The following ETV3L variants were observed in gnomAD, a reference collection of about 807,000 sequenced individuals.
ETV3L encodes the protein ETS variant transcription factor 3 like.
In ETV3L, 30 loss-of-function variants were observed where a neutral mutation model predicts 27.6. That is an observed-to-expected ratio of 1.09 (90% CI 0.81 to 1.48). ETV3L has a LOEUF of 1.48. ETV3L is among the 40% of genes most tolerant of loss of function. The pLI, the probability that ETV3L is intolerant of heterozygous loss-of-function variation, is 0.00. For synonymous variants in ETV3L, 186 were observed against 188.9 expected (o/e 0.98, Z 0.12); for missense variants, 443 against 455.6 (o/e 0.97, Z 0.25).
rs915876558 is a variant in ETV3L, at chr1:157,099,781, C to T, written c.-258G>A. 33 of 584,290 alleles carry T rather than the reference C, an allele frequency of 5.6e-5. No homozygotes were observed. Among genetic ancestry groups the T allele is most frequent in the South Asian group, 5.3e-4 (25 of 47,040 alleles). The allele number at this position is 584,290 out of a possible 1,614,324, so 36.2% of individuals were successfully genotyped here. ...ACAGGGCCCAGCCCCCTCTGGGGAC[C>T]TCCCCGCTGCCCAGGGCTGACTCGG... On this transcript the variant is annotated 5_prime_UTR_variant, in exon 1 of 5. Transcript: ENST00000454449.
At chr1:157,094,757 A>G (rs889634536) in intron 4 of ETV3L, among the ~76,000 whole-genome samples, 1 of 152,136 alleles carries the variant, frequency 6.6e-6, no homozygotes, top group African/African-American at 2.4e-5. Flanking sequence ...TACTAAAAAT[A>G]CAAAAATTAG....
intron 4 of ETV3L, 46 bp downstream of exon 4, chr1:157,097,822 C>T (rs1674261925): frequency 1.9e-6 from 3 of 1,609,416 alleles, no homozygotes; most frequent in Non-Finnish European, 2.5e-6. Context: ...GGCCCTCCCT[C>T]CTCTGGCTAA....
Position 157,092,612 on chromosome 1 carries a change from G to A in ETV3L, c.*37C>T. On this transcript the variant is annotated 3_prime_UTR_variant, in exon 5 of 5. Coordinates refer to ENST00000454449, the MANE Select transcript of ETV3L (RefSeq NM_001004341.2). ...GTGGGCAAGAGGAGAGATGGACTTTGGAGGACTCCTCCCCAACTTCCCACC... is the reference window on the plus strand; with the variant it reads ...GTGGGCAAGAGGAGAGATGGACTTTAGAGGACTCCTCCCCAACTTCCCACC... The A allele has an allele frequency of 1.3e-6, 2 of 1,523,034 alleles. No homozygotes were observed. Among genetic ancestry groups the A allele is most frequent in the Non-Finnish European group, 1.8e-6 (2 of 1,121,130 alleles). The allele number at this position is 1,523,034 out of a possible 1,614,324, so 94.3% of individuals were successfully genotyped here. A position where few individuals can be genotyped will look rare whatever the true frequency, so the allele number is the denominator to read the frequency against.
chr1:157,094,922 A>AC (rs1674191119), intron 4 of ETV3L, among the ~76,000 whole-genome samples: 1 of 151,604 alleles, frequency 6.6e-6, no homozygotes, highest in Non-Finnish European at 1.5e-5. Flanking sequence ...TCAAAAAAAA[A>AC]AAAAAAAAAA....
chr1:157,096,603 TAC>T (rs1164774152), intron 4 of ETV3L, among the ~76,000 whole-genome samples: 1 of 152,118 alleles, frequency 6.6e-6, no homozygotes, highest in Non-Finnish European at 1.5e-5. Context: ...ACCCAAACTC[TAC>T]ACACACACAG....
rs151028366 is a variant in ETV3L, at chr1:157,092,916, T to A, written c.819A>T (p.Gly273=). ...GAFKPDILLP[G]PRSLPGAWHF... is the part of the protein sequence containing the mutation. ...GCCAGGCCCCTGGGAGGCTCCTAGGTCCTGGGAGCAGGATGTCTGGCTTAA... is the reference window on the plus strand; with the variant it reads ...GCCAGGCCCCTGGGAGGCTCCTAGGACCTGGGAGCAGGATGTCTGGCTTAA... Residue 273 remains glycine (G), a synonymous_variant, in exon 5 of 5, where the codon GGA becomes GGT. Transcript: ENST00000454449. 57 of 1,613,770 alleles carry A rather than the reference T, an allele frequency of 3.5e-5. No individual in the cohort carries two copies. Among genetic ancestry groups the A allele is most frequent in the Non-Finnish European group, 4.5e-5 (53 of 1,179,924 alleles).
Position 157,097,868 on chromosome 1 carries a change from G to A in ETV3L, c.607C>T (p.Arg203Ter), listed in dbSNP as rs61736987. The A allele has an allele frequency of 2.0e-4, 325 of 1,612,056 alleles. 1 individual carries two copies. In the African/African-American group the frequency reaches 3.4e-3, roughly 17 times the overall value. Residue 203 changes from arginine to a stop codon, truncating the protein, a stop_gained and splice_region_variant, in exon 4 of 5, where the codon CGA becomes TGA. Coordinates refer to ENST00000454449, the MANE Select transcript of ETV3L (RefSeq NM_001004341.2). LOFTEE classifies it low-confidence loss of function (END_TRUNC). ...DKKGSSSSVY[R>*]LGSAPGPCRL... ...GGCCCTCCCAGCCTTGAGCACTCAC[G>A]GTAGACGCTGCTGCTGCTCCCCTTC... is the stretch of plus-strand genomic sequence containing the variant.
At position 157,099,446 on chromosome 1, in the gene ETV3L, G is replaced by A; in HGVS notation, c.58+20C>T. 6.2e-7 allele frequency: 1 copy of A among 1,614,056 alleles called. No individual in the cohort carries two copies. Among genetic ancestry groups the A allele is most frequent in the Non-Finnish European group, 8.5e-7 (1 of 1,179,982 alleles). The stretch of plus-strand genomic sequence containing the variant: ...TAGGCCACCGTTGGAGCAGGGGGTA[G>A]GCCCGGCCAAGAGGCTCACCTGAGA... On this transcript the variant is annotated intron_variant, in intron 1 of 4. Coordinates refer to ENST00000454449, the MANE Select transcript of ETV3L (RefSeq NM_001004341.2).
rs1674290800 is a variant in ETV3L, at chr1:157,099,188, C to T, written c.249G>A (p.Arg83=). 6.2e-7 allele frequency: 1 copy of T among 1,613,914 alleles called. No homozygotes were observed. The change falls in exon 2 of 5, where the codon AGG becomes AGA. Residue 83 remains arginine, a synonymous_variant. Coordinates refer to ENST00000454449, the MANE Select transcript of ETV3L (RefSeq NM_001004341.2). ...CATAATTCATCTGTGGTTTGCATTT[C>T]CTGCGGCCCCAGAGGCGGGCCACCT... The part of the protein sequence containing the change: ...PDEVARLWGR[R]KCKPQMNYDK...
Position 157,093,020 on chromosome 1 carries a change from G to T in ETV3L, c.715C>A (p.Pro239Thr). Residue 239 changes from proline (P) to threonine (T), a missense_variant, in exon 5 of 5, where the codon CCT (proline) becomes ACT (threonine). Transcript: ENST00000454449. ...VASFTPPLPP[P>T]LPSNWTCLSG... Reference sequence around the variant, plus strand: ...AGACAGGTCCAGTTGGAGGGCAGAGGGGGCGGGAGGGGAGGAGTGAAGGAG... The same window carrying T: ...AGACAGGTCCAGTTGGAGGGCAGAGTGGGCGGGAGGGGAGGAGTGAAGGAG... The T allele has an allele frequency of 1.2e-6, 2 of 1,600,090 alleles. No individual in the cohort carries two copies. The highest frequency in any genetic ancestry group is 1.7e-6 in the Non-Finnish European group (2 of 1,172,834).
Position 157,092,565 on chromosome 1 carries a change from G to A in ETV3L, c.*84C>T. The A allele has an allele frequency of 8.3e-7, 1 of 1,198,888 alleles. No individual in the cohort carries two copies. Among genetic ancestry groups the A allele is most frequent in the South Asian group, 1.5e-5 (1 of 66,132 alleles). The allele number at this position is 1,198,888 out of a possible 1,614,324, so 74.3% of individuals were successfully genotyped here. On this transcript the variant is annotated 3_prime_UTR_variant, in exon 5 of 5. Transcript: ENST00000454449. ...CAATTTCAGCCCATGTCCAGCCAGGGGAAGGGGCTAACCCAGAGGCGGTGG... is the reference window on the plus strand; with the variant it reads ...CAATTTCAGCCCATGTCCAGCCAGGAGAAGGGGCTAACCCAGAGGCGGTGG...
chr1:157,094,218 T>C (rs1281170301), intron 4 of ETV3L, among the ~76,000 whole-genome samples: 1 of 152,248 alleles, frequency 6.6e-6, no homozygotes, highest in Non-Finnish European at 1.5e-5. Context: ...CCTCTGTTTC[T>C]TCATCCATAA....
chr1:157,093,510 T>A (rs1674164405), intron 4 of ETV3L, among the ~76,000 whole-genome samples: 1 of 151,732 alleles, frequency 6.6e-6, no homozygotes. Context: ...TTTTTTTTTT[T>A]AAACAGAGTC....
rs149476710 is a variant in ETV3L at position 157,092,829 on chromosome 1, G to A, written c.906C>T (p.Leu302=). Residue 302 remains leucine (L), a synonymous_variant, in exon 5 of 5, where the codon CTC becomes CTT. Transcript: ENST00000454449. ...CCAGCCCCTCGGGCCTGAGGGACAA[G>A]AGCCAAAGCCTCTCACCCGCACCCT... ...LGQGAGERLW[L]LSLRPEGLEV... 10 of 1,614,150 alleles carry A rather than the reference G, an allele frequency of 6.2e-6. 1 individual carries two copies. The Admixed American group carries it at 1.5e-4, about 24-fold the overall frequency.
chr1:157,092,731 CG>C lies in ETV3L; in HGVS notation c.1003del (p.Arg335AlafsTer29). ...DPREVFCPET[R>X]RLKTGEESLT... ...GCTTTCCTCCCCAGTTTTGAGTCTG[CG>C]GGTCTCTGGGCAGAAGACCTCCCTG... On this transcript the variant is annotated frameshift_variant, in exon 5 of 5. Coordinates refer to ENST00000454449, the MANE Select transcript of ETV3L (RefSeq NM_001004341.2). LOFTEE classifies it low-confidence loss of function (END_TRUNC). 6.2e-7 allele frequency: 1 copy of C among 1,614,012 alleles called. No individual in the cohort carries two copies. Among genetic ancestry groups the C allele is most frequent in the Non-Finnish European group, 8.5e-7 (1 of 1,180,014 alleles).
At position 157,096,201 on chromosome 1, in the gene ETV3L, C is replaced by T. The variant is rs200528410; in HGVS notation, c.607+1667G>A. Among the ~76,000 whole-genome samples the T allele has an allele frequency of 4.6e-5, 7 of 152,308 alleles. No individual in the cohort carries two copies. In the South Asian group the frequency reaches 6.2e-4, roughly 14 times the overall value. The stretch of plus-strand genomic sequence containing the variant: ...CACTCACGTATACTTTGGGTGTCAT[C>T]TCAAGTGTCACTTTGTCAAGGAAGT... On this transcript the variant is annotated intron_variant, in intron 4 of 4. Transcript: ENST00000454449.
chr1:157,092,679 G>A lies in ETV3L; in HGVS notation c.1056C>T (p.Leu352=). Residue 352 remains leucine (L), a synonymous_variant, in exon 5 of 5, where the codon CTC becomes CTT. Transcript: ENST00000454449. ...ESLTSPNLEN[L]KAVWPLDPP Reference sequence around the variant, plus strand: ...GAGGATCCAAGGGCCACACTGCTTTGAGGTTCTCCAGATTGGGGGAAGTAA... The same window carrying A: ...GAGGATCCAAGGGCCACACTGCTTTAAGGTTCTCCAGATTGGGGGAAGTAA... 6.2e-7 allele frequency: 1 copy of A among 1,612,852 alleles called. No homozygotes were observed.
chr1:157,092,944 G>C lies in ETV3L; in HGVS notation c.791C>G (p.Ala264Gly). 6.2e-7 allele frequency: 1 copy of C among 1,614,088 alleles called. No homozygotes were observed. The highest frequency in any genetic ancestry group is 8.5e-7 in the Non-Finnish European group (1 of 1,179,964). ...PLPSEQQLPGAFKPDILLPGP... is the reference protein window; with the variant it reads ...PLPSEQQLPGGFKPDILLPGP... ...TGGGAGCAGGATGTCTGGCTTAAAAGCCCCTGGGAGCTGCTGCTCTGACGG... is the reference window on the plus strand; with the variant it reads ...TGGGAGCAGGATGTCTGGCTTAAAACCCCCTGGGAGCTGCTGCTCTGACGG... Residue 264 changes from alanine (A) to glycine (G), a missense_variant, in exon 5 of 5, where the codon GCT becomes GGT. Ala to Gly is a moderately conservative substitution (Grantham distance 60). Coordinates refer to ENST00000454449, the MANE Select transcript of ETV3L (RefSeq NM_001004341.2).
intron 4 of ETV3L, among the ~76,000 whole-genome samples, chr1:157,095,137 C>T (rs7544345): frequency 0.27 from 40,429 of 151,760 alleles, 6,150 homozygotes; most frequent in Middle Eastern, 0.41. Flanking sequence ...TGCTGTTGCA[C>T]GGGAAGGCTG....
Sources: allele counts gnomAD v4.1 joint callset (sites outside exome capture counted in the v4.1 genomes callset), GRCh38; gene constraint gnomAD v4.1.1; transcripts MANE v1.5; gene names NCBI Gene and HGNC (gene_info 2026-07-23, HGNC 2026-07-21).